STPG2: variants seen among roughly 807,000 people sequenced by gnomAD.
STPG2 encodes the protein sperm-tail PG-rich repeat-containing protein 2.
STPG2 carries 56 observed loss-of-function variants against 54.2 expected under a neutral mutation model. The ratio of observed to expected loss-of-function variants is 1.03; its 90% confidence interval spans 0.83 to 1.29. The LOEUF is 1.29. STPG2 is among the 50% of genes most tolerant of loss of function. The pLI, the probability that STPG2 is intolerant of heterozygous loss-of-function variation, is 0.00. For synonymous variants in STPG2, 200 were observed against 181.8 expected (o/e 1.10, Z -0.81); for missense variants, 596 against 544.9 (o/e 1.09, Z -0.93).
At chr4:97,807,141 GAAT>G (rs1411281317) in intron 9 of STPG2, among the ~76,000 whole-genome samples, 1 of 150,256 alleles carries the variant, frequency 6.7e-6, no homozygotes, top group Non-Finnish European at 1.5e-5. Flanking sequence ...TGTAATATTG[GAAT>G]AATATTAAGT....
chr4:98,090,169 T>C (rs1303272671), intron 5 of STPG2, among the ~76,000 whole-genome samples: 1 of 152,158 alleles, frequency 6.6e-6, no homozygotes, highest in Non-Finnish European at 1.5e-5. Flanking sequence ...TTCCTAGAAT[T>C]TTTATGGTTT....
rs540162988 is a variant in STPG2, at chr4:97,989,569, T to C, written c.613-8251A>G. Among the ~76,000 whole-genome samples the C allele has an allele frequency of 9.2e-5, 14 of 152,338 alleles. No individual in the cohort carries two copies. The South Asian group carries it at 2.5e-3, about 27-fold the overall frequency. ...CACAATTTCACAGATAGAAGATTCA[T>C]ACTTACTGCAGATCTTAGCAACCTC... On this transcript the variant is annotated intron_variant, in intron 5 of 10. Coordinates refer to ENST00000295268, the MANE Select transcript of STPG2 (RefSeq NM_174952.3).
At chr4:97,513,835 T>C (rs1417540170) in intron 4 of STPG2, among the ~76,000 whole-genome samples, 1 of 152,072 alleles carries the variant, frequency 6.6e-6, no homozygotes, top group Non-Finnish European at 1.5e-5. Flanking sequence ...TTCTGACAGT[T>C]TTCATGATAA....
chr4:97,538,085 AG>A (rs2148858483), intron 4 of STPG2, among the ~76,000 whole-genome samples: 1 of 152,308 alleles, frequency 6.6e-6, no homozygotes, highest in South Asian at 2.1e-4. Context: ...AAAACCACAA[AG>A]ATGGGGAAAA....
chr4:97,677,437 C>A (rs1429313033), intron 10 of STPG2, among the ~76,000 whole-genome samples: 1 of 152,130 alleles, frequency 6.6e-6, no homozygotes, highest in Non-Finnish European at 1.5e-5. Context: ...TAATAGATGT[C>A]TGCAACACTT....
intron 10 of STPG2, among the ~76,000 whole-genome samples, chr4:97,589,940 A>T (rs1733094534): frequency 6.6e-6 from 1 of 152,136 alleles, no homozygotes; most frequent in African/African-American, 2.4e-5. Flanking sequence ...TAAGTTTATT[A>T]AACCCTCTAT....
intron 6 of STPG2, among the ~76,000 whole-genome samples, chr4:97,980,824 C>T (rs1292693068): frequency 1.3e-5 from 2 of 151,866 alleles, no homozygotes; most frequent in Admixed American, 6.6e-5. Flanking sequence ...CAAAACTGAA[C>T]ATCATAAATT....
chr4:97,922,980 A>C (rs1357336009), intron 8 of STPG2, among the ~76,000 whole-genome samples: 2 of 151,946 alleles, frequency 1.3e-5, no homozygotes, highest in African/African-American at 2.4e-5. Flanking sequence ...TACAAATGTC[A>C]TTTTATTTTT....
chr4:98,124,543 T>A (rs1230042302), intron 3 of STPG2, among the ~76,000 whole-genome samples: 2 of 152,204 alleles, frequency 1.3e-5, no homozygotes, highest in Non-Finnish European at 2.9e-5. Context: ...TGCTGAGAGG[T>A]CCACTCTTTC....
intron 5 of STPG2, among the ~76,000 whole-genome samples, chr4:98,056,596 T>C (rs1213725110): frequency 1.3e-5 from 2 of 151,456 alleles, no homozygotes; most frequent in African/African-American, 4.9e-5. Flanking sequence ...ATCTACCTTA[T>C]ACCATCAAAC....
chr4:97,872,735 C>T (rs1000053380), intron 8 of STPG2, among the ~76,000 whole-genome samples: 1 of 151,144 alleles, frequency 6.6e-6, no homozygotes, highest in African/African-American at 2.4e-5. Flanking sequence ...TATGAATCTA[C>T]ACATTTTGAC....
chr4:97,528,190 A>G (rs1368669208), intron 4 of STPG2, among the ~76,000 whole-genome samples: 1 of 152,108 alleles, frequency 6.6e-6, no homozygotes, highest in Non-Finnish European at 1.5e-5. Context: ...GGTGTAAGAA[A>G]CGGATCCAGT....
intron 8 of STPG2, among the ~76,000 whole-genome samples, chr4:97,867,905 G>A (rs1560563172): frequency 6.6e-6 from 1 of 152,014 alleles, no homozygotes; most frequent in Non-Finnish European, 1.5e-5. Context: ...TGGATACACT[G>A]CTGGAAGGAT....
intron 8 of STPG2, among the ~76,000 whole-genome samples, chr4:97,928,262 A>C (rs1390817373): frequency 6.6e-6 from 1 of 152,180 alleles, no homozygotes; most frequent in Non-Finnish European, 1.5e-5. Flanking sequence ...AGTTAGCTTT[A>C]GAACTTTACT....
chr4:97,944,121 G>T, intron 7 of STPG2, 114 bp from the exon 8 acceptor site: 1 of 668,342 alleles, frequency 1.5e-6, no homozygotes, highest in Non-Finnish European at 2.5e-6. Flanking sequence ...ATTAAATAAA[G>T]ACACATATTC....
At chr4:97,579,135 T>C (rs572778881) in intron 10 of STPG2, among the ~76,000 whole-genome samples, 13 of 152,216 alleles carry the variant, frequency 8.5e-5, no homozygotes, top group Non-Finnish European at 1.6e-4. Context: ...AGAACTTGCA[T>C]GAATTTTTAG....
At chr4:98,127,140 A>G (rs1039034329) in intron 3 of STPG2, among the ~76,000 whole-genome samples, 41 of 152,078 alleles carry the variant, frequency 2.7e-4, no homozygotes, top group Admixed American at 5.2e-4. Context: ...TTTAATGTTT[A>G]TTGTGGCAAA....
At chr4:97,547,883 G>T (rs1383332665) in intron 4 of STPG2, among the ~76,000 whole-genome samples, 2 of 152,114 alleles carry the variant, frequency 1.3e-5, no homozygotes, top group African/African-American at 4.8e-5. Flanking sequence ...GGGCATGGTC[G>T]CTCATGCCTG....
intron 5 of STPG2, among the ~76,000 whole-genome samples, chr4:97,982,101 G>T (rs1444485205): frequency 1.3e-5 from 2 of 151,920 alleles, no homozygotes; most frequent in South Asian, 2.1e-4. Context: ...AGCCAGGATG[G>T]TCTCAATTTC....
Sources: allele counts gnomAD v4.1 joint callset (sites outside exome capture counted in the v4.1 genomes callset), GRCh38; gene constraint gnomAD v4.1.1; transcripts MANE v1.5; gene names NCBI Gene and HGNC (gene_info 2026-07-23, HGNC 2026-07-21).